The following SV2B variants were observed in gnomAD, a reference collection of about 807,000 sequenced individuals.
SV2B encodes synaptic vesicle glycoprotein 2B.
A neutral mutation model predicts 73.9 loss-of-function variants in SV2B; 41 were observed. The observed-to-expected ratio is 0.56, with a 90% CI of 0.43 to 0.72. The LOEUF (loss-of-function observed/expected upper bound fraction) is 0.72, where lower values mean the gene tolerates loss of function less well. Ranked by LOEUF, SV2B falls within the 30% of genes least tolerant of loss-of-function variation. The probability of loss-of-function intolerance (pLI) is 0.00; values close to 1 mark genes in which losing one functional copy is unlikely to be tolerated. For missense variants in SV2B, 764 were observed against 857.8 expected (o/e 0.89, Z 1.37); for synonymous variants, 314 against 314.2 (o/e 1.00, Z 0.01).
In SV2B at chr15:91,136,870, A is replaced by G. The variant is rs370077266; in HGVS notation, c.-392+36507A>G. Among the ~76,000 whole-genome samples, 2 of 152,140 alleles carry G rather than the reference A, an allele frequency of 1.3e-5. No individual in the cohort carries two copies. Among genetic ancestry groups the G allele is most frequent in the East Asian group, 3.9e-4 (2 of 5,172 alleles). ...AAGCAGCTTTGGCAGGAGAAGCAAGAGGGCTCTGGGTAGCCAGCTTATTCC... is the reference window on the plus strand; with the variant it reads ...AAGCAGCTTTGGCAGGAGAAGCAAGGGGGCTCTGGGTAGCCAGCTTATTCC... On this transcript the variant is annotated intron_variant, in intron 1 of 12. Coordinates refer to ENST00000394232, the MANE Select transcript of SV2B (RefSeq NM_001323032.3). The surrounding 1 kb of genome is among the most constrained non-coding windows in gnomAD (Gnocchi z 5.6).
chr15:91,173,827 T>C (rs1231200297), intron 1 of SV2B, among the ~76,000 whole-genome samples: 1 of 152,206 alleles, frequency 6.6e-6, no homozygotes, highest in Non-Finnish European at 1.5e-5. Context: ...ACCATTCCTT[T>C]TGGTGCTCTC....
At chr15:91,201,514 A>G (rs1181684924) in intron 1 of SV2B, among the ~76,000 whole-genome samples, 3 of 152,162 alleles carry the variant, frequency 2.0e-5, no homozygotes, top group East Asian at 3.9e-4. Flanking sequence ...ATCTCTTTTC[A>G]TAAGCCGTGT....
rs1423675462 is a variant in SV2B, at chr15:91,110,808, G to A, written c.-392+10445G>A. On this transcript the variant is annotated intron_variant, in intron 1 of 12. Coordinates refer to ENST00000394232, the MANE Select transcript of SV2B (RefSeq NM_001323032.3). The surrounding 1 kb of genome is among the most constrained non-coding windows in gnomAD (Gnocchi z 5.4). ...ACGAACACATCCCACACATGCCAGTGTAAGGGTCTGTGAATTAAATGCAGC... is the reference window on the plus strand; with the variant it reads ...ACGAACACATCCCACACATGCCAGTATAAGGGTCTGTGAATTAAATGCAGC... 6.6e-6 allele frequency among the ~76,000 whole-genome samples: 1 copy of A among 152,210 alleles called. No homozygotes were observed. Among genetic ancestry groups the A allele is most frequent in the East Asian group, 1.9e-4 (1 of 5,198 alleles).
At chr15:91,275,734 G>C (rs943339146) in intron 9 of SV2B, among the ~76,000 whole-genome samples, 1 of 152,172 alleles carries the variant, frequency 6.6e-6, no homozygotes, top group Non-Finnish European at 1.5e-5. Context: ...GCTGAGGCAC[G>C]AGAATTACTT....
intron 1 of SV2B, among the ~76,000 whole-genome samples, chr15:91,125,313 A>G (rs561836511): frequency 2.6e-5 from 4 of 152,310 alleles, no homozygotes; most frequent in African/African-American, 9.6e-5. Flanking sequence ...GCATGAGGGT[A>G]TAAACACTTG....
chr15:91,144,909 T>G (rs1013417641), intron 1 of SV2B, among the ~76,000 whole-genome samples: 18 of 152,156 alleles, frequency 1.2e-4, no homozygotes, highest in Non-Finnish European at 2.4e-4. Flanking sequence ...TTTTTTTTTT[T>G]TTATGGAAGT....
chr15:91,166,909 G>A (rs1011183792), intron 1 of SV2B, among the ~76,000 whole-genome samples: 1 of 151,672 alleles, frequency 6.6e-6, no homozygotes, highest in Non-Finnish European at 1.5e-5. Flanking sequence ...CGCCTTCTGG[G>A]TTCACGCCAT....
intron 1 of SV2B, among the ~76,000 whole-genome samples, chr15:91,219,240 C>T (rs1379450299): frequency 3.3e-5 from 5 of 152,204 alleles, no homozygotes; most frequent in Non-Finnish European, 7.3e-5. Context: ...TGAGCCACTG[C>T]ACCTGGGCAC....
At chr15:91,173,285 G>A (rs984974750) in intron 1 of SV2B, among the ~76,000 whole-genome samples, 3 of 152,208 alleles carry the variant, frequency 2.0e-5, no homozygotes, top group Admixed American at 1.3e-4. Flanking sequence ...CAAGGAGAGT[G>A]CAGGAGAAGG....
At chr15:91,156,923 G>A (rs781400908) in intron 1 of SV2B, among the ~76,000 whole-genome samples, 4 of 152,172 alleles carry the variant, frequency 2.6e-5, no homozygotes, top group Non-Finnish European at 2.9e-5. Flanking sequence ...TAAAGTGTCG[G>A]GACAGATGCT....
rs752228071 is a variant in SV2B at position 91,226,684 on chromosome 15, T to G, written c.421T>G (p.Cys141Gly). The G allele has an allele frequency of 1.1e-5, 18 of 1,611,590 alleles. No homozygotes were observed. The highest frequency in any genetic ancestry group is 1.0e-4 in the Admixed American group (6 of 59,758). The part of the protein sequence containing the change: ...FALPSAEKDM[C>G]LSSSKKGMLG... The stretch of plus-strand genomic sequence containing the variant: ...CCTGCCCAGTGCAGAGAAGGACATG[T>G]GTCTGTCCAGTTCCAAAAAAGGAAT... Residue 141 changes from cysteine to glycine, a missense_variant, in exon 2 of 13, where the codon TGT becomes GGT. By Grantham distance (159) the Cys-to-Gly change is radical. Transcript: ENST00000394232.
chr15:91,116,020 C>A (rs141974043), intron 1 of SV2B, among the ~76,000 whole-genome samples: 1 of 152,284 alleles, frequency 6.6e-6, no homozygotes, highest in African/African-American at 2.4e-5. Flanking sequence ...TTATTATATG[C>A]TTCAGAATTT....
In SV2B at chr15:91,300,331, G is replaced by C. The variant is rs150449406; in HGVS notation, c.*7779G>C. On this transcript the variant is annotated 3_prime_UTR_variant, in exon 13 of 13. Transcript: ENST00000394232. ...TCCCCAACTCTACCAGACCAAAAGGGTGTCTCTATTTTTTGTTGTTACTTC... is the reference window on the plus strand; with the variant it reads ...TCCCCAACTCTACCAGACCAAAAGGCTGTCTCTATTTTTTGTTGTTACTTC... 6.6e-6 allele frequency: 1 copy of C among 152,178 alleles called. No individual in the cohort carries two copies. Among genetic ancestry groups the C allele is most frequent in the Non-Finnish European group, 1.5e-5 (1 of 68,036 alleles). 9.4% of individuals were successfully genotyped at this position (152,178 alleles called of 1,614,324 possible).
chr15:91,115,364 C>T lies in SV2B; in HGVS notation c.-392+15001C>T, dbSNP rs2151735355. Among the ~76,000 whole-genome samples, 1 of 152,152 alleles carries T rather than the reference C, an allele frequency of 6.6e-6. No individual in the cohort carries two copies. On this transcript the variant is annotated intron_variant, in intron 1 of 12. Transcript: ENST00000394232. The surrounding 1 kb of genome is among the most constrained non-coding windows in gnomAD (Gnocchi z 4.3). ...TGACGACTTTGAAAGTGGGCTATTTCTCCATCTCCCCTTCCTTTTTTTTTT... is the reference window on the plus strand; with the variant it reads ...TGACGACTTTGAAAGTGGGCTATTTTTCCATCTCCCCTTCCTTTTTTTTTT...
chr15:91,285,369 G>A (rs1329034192), intron 11 of SV2B, among the ~76,000 whole-genome samples: 1 of 152,134 alleles, frequency 6.6e-6, no homozygotes, highest in Non-Finnish European at 1.5e-5. Flanking sequence ...ATGGGGGAAG[G>A]GACAATGGCT....
chr15:91,120,058 T>G (rs2042288551), intron 1 of SV2B, among the ~76,000 whole-genome samples: 1 of 152,240 alleles, frequency 6.6e-6, no homozygotes. Context: ...TTGCCTTTGA[T>G]TTTGTATTTG....
chr15:91,106,542 A>G lies in SV2B; in HGVS notation c.-392+6179A>G, dbSNP rs562136333. ...CTTTACAAGGTCTCATGGGAGCCTT[A>G]TTGTGGATCTTATGCACTAAAAAGA... On this transcript the variant is annotated intron_variant, in intron 1 of 12. Transcript: ENST00000394232. This position sits in a 1 kb window ranked among gnomAD's most constrained non-coding sequence, Gnocchi z 4.4. Among the ~76,000 whole-genome samples, 2 of 152,316 alleles carry G rather than the reference A, an allele frequency of 1.3e-5. No homozygotes were observed. The highest frequency in any genetic ancestry group is 4.8e-5 in the African/African-American group (2 of 41,582).
intron 2 of SV2B, among the ~76,000 whole-genome samples, chr15:91,249,106 ACAT>A (rs1190341126): frequency 3.7e-5 from 5 of 135,956 alleles, no homozygotes; most frequent in African/African-American, 5.8e-5. Context: ...ACACACACAC[ACAT>A]GTTTATGATC....
In SV2B at chr15:91,140,148, GCAA is replaced by G. The variant is rs568071665; in HGVS notation, c.-392+39786_-392+39788del. ...CCGAGTTTGAGAACCACTGGTGTAG[GCAA>G]ACATTTCTGAGCTGTTGTCCATCCA... On this transcript the variant is annotated intron_variant, in intron 1 of 12. Transcript: ENST00000394232. The surrounding 1 kb of genome is among the most constrained non-coding windows in gnomAD (Gnocchi z 4.4). Among the ~76,000 whole-genome samples the G allele has an allele frequency of 6.6e-6, 1 of 152,284 alleles. No individual in the cohort carries two copies. The highest frequency in any genetic ancestry group is 2.1e-4 in the South Asian group (1 of 4,826).
Sources: allele counts gnomAD v4.1 joint callset (sites outside exome capture counted in the v4.1 genomes callset), GRCh38; gene constraint gnomAD v4.1.1; non-coding constraint Gnocchi (gnomAD v3.1); transcripts MANE v1.5; gene names NCBI Gene and HGNC (gene_info 2026-07-23, HGNC 2026-07-21).